EYS: variants seen among roughly 807,000 people sequenced by gnomAD.
EYS encodes protein eyes shut homolog.
A neutral mutation model predicts 282.1 loss-of-function variants in EYS; 250 were observed. That is an observed-to-expected ratio of 0.89 (90% CI 0.80 to 0.98). EYS has a LOEUF of 0.98. Ranked by LOEUF, EYS falls within the 50% of genes least tolerant of loss-of-function variation. The probability of loss-of-function intolerance (pLI) is 0.00; values close to 1 mark genes in which losing one functional copy is unlikely to be tolerated. For missense variants in EYS, 4,016 were observed against 3,709.0 expected, an observed-to-expected ratio of 1.08 and a Z score of -2.15; for synonymous variants, 1,355 against 1,282.9, an observed-to-expected ratio of 1.06 and a Z score of -1.20.
intron 5 of EYS, among the ~76,000 whole-genome samples, chr6:65,437,700 G>T (rs1030365593): frequency 6.6e-6 from 1 of 152,084 alleles, no homozygotes; most frequent in Non-Finnish European, 1.5e-5. Context: ...ATATTTTCAA[G>T]TGGGGAAGAT....
At chr6:64,080,010 A>T (rs529294893) in intron 32 of EYS, among the ~76,000 whole-genome samples, 2 of 152,302 alleles carry the variant, frequency 1.3e-5, no homozygotes, top group South Asian at 4.1e-4. Context: ...GCTATTGTGA[A>T]TAGTGCCACA....
chr6:65,299,994 A>C (rs993003324), intron 11 of EYS, among the ~76,000 whole-genome samples: 1 of 152,236 alleles, frequency 6.6e-6, no homozygotes, highest in Non-Finnish European at 1.5e-5. Flanking sequence ...TTATGTGTTT[A>C]GTGATATCAT....
intron 26 of EYS, among the ~76,000 whole-genome samples, chr6:64,531,022 T>C (rs1764311257): frequency 6.6e-6 from 1 of 152,126 alleles, no homozygotes; most frequent in Non-Finnish European, 1.5e-5. Context: ...CCACACTATT[T>C]TGTGATTAAG....
chr6:64,870,432 A>AAAT, intron 19 of EYS, among the ~76,000 whole-genome samples: 1 of 147,894 alleles, frequency 6.8e-6, no homozygotes, highest in Non-Finnish European at 1.5e-5. Context: ...CCCTCCAAAA[A>AAAT]AAAAAAAACA....
intron 13 of EYS, among the ~76,000 whole-genome samples, chr6:64,999,940 G>C (rs1313605293): frequency 6.6e-6 from 1 of 152,116 alleles, no homozygotes; most frequent in African/African-American, 2.4e-5. Context: ...TCCAAGTCCA[G>C]GTGTGATCTG....
intron 36 of EYS, among the ~76,000 whole-genome samples, chr6:63,830,466 A>T (rs1216775977): frequency 6.6e-6 from 1 of 152,236 alleles, no homozygotes; most frequent in Non-Finnish European, 1.5e-5. Flanking sequence ...AAGAAAGGGT[A>T]TCAGTGATTG....
Position 64,709,019 on chromosome 6 carries a change from T to TACACACACACACACACACACAC in EYS, c.3444-82775_3444-82774insGTGTGTGTGTGTGTGTGTGTGT, listed in dbSNP as rs36018580. 3.3e-3 allele frequency among the ~76,000 whole-genome samples: 494 copies of TACACACACACACACACACACAC among 151,088 alleles called. 3 individuals are homozygous for TACACACACACACACACACACAC. Among genetic ancestry groups the TACACACACACACACACACACAC allele is most frequent in the African/African-American group, 0.011 (472 of 41,202 alleles). On this transcript the variant is annotated intron_variant, in intron 22 of 42. Transcript: ENST00000503581. ...TGATTGCCTGGCATACATGCACACA[T>TACACACACACACACACACACAC]ACACACACACACACACACAGCAGTA...
intron 26 of EYS, among the ~76,000 whole-genome samples, chr6:64,481,274 G>GTATA (rs61390164): frequency 0.014 from 1,974 of 140,568 alleles, 17 homozygotes; most frequent in East Asian, 0.019. Context: ...GTGTGTGTGT[G>GTATA]TATATATATA....
rs1040742497 is a variant in EYS at position 63,992,106 on chromosome 6, G to A, written c.6834+6969C>T. 2.0e-5 allele frequency among the ~76,000 whole-genome samples: 3 copies of A among 151,858 alleles called. No homozygotes were observed. The South Asian group carries it at 6.2e-4, about 31-fold the overall frequency. On this transcript the variant is annotated intron_variant, in intron 34 of 42. Coordinates refer to ENST00000503581, the MANE Select transcript of EYS (RefSeq NM_001142800.2). ...AGAAATGCTAAAGGAAGTTTTTCCA[G>A]TTGAAATAGAAGAATACTAGACAAC...
At chr6:64,120,791 A>T (rs1773560869) in intron 31 of EYS, among the ~76,000 whole-genome samples, 1 of 152,174 alleles carries the variant, frequency 6.6e-6, no homozygotes, top group South Asian at 2.1e-4. Context: ...GCTGCATAAC[A>T]AATTACCATA....
intron 26 of EYS, among the ~76,000 whole-genome samples, chr6:64,463,360 T>C (rs1446053479): frequency 6.6e-6 from 1 of 152,216 alleles, no homozygotes; most frequent in Non-Finnish European, 1.5e-5. Context: ...TATCAACAGA[T>C]GCTAGGCCTG....
At chr6:64,510,207 G>T (rs192791299) in intron 26 of EYS, among the ~76,000 whole-genome samples, 2 of 151,834 alleles carry the variant, frequency 1.3e-5, no homozygotes, top group Non-Finnish European at 2.9e-5. Flanking sequence ...GGCTATTTTT[G>T]GTGTAAATGT....
chr6:64,962,775 G>C (rs1769968310), intron 14 of EYS, among the ~76,000 whole-genome samples: 1 of 151,966 alleles, frequency 6.6e-6, no homozygotes, highest in Admixed American at 6.6e-5. Flanking sequence ...AAAAAAGAGA[G>C]AGAGAAATAT....
chr6:64,451,486 G>A (rs1370494826), intron 26 of EYS, among the ~76,000 whole-genome samples: 2 of 152,166 alleles, frequency 1.3e-5, no homozygotes, highest in Admixed American at 6.6e-5. Context: ...AGAAAAAGAG[G>A]GAATCCTCCC....
intron 31 of EYS, among the ~76,000 whole-genome samples, chr6:64,097,128 A>C (rs1772650288): frequency 6.6e-6 from 1 of 152,150 alleles, no homozygotes; most frequent in African/African-American, 2.4e-5. Flanking sequence ...GTCTCAGAGG[A>C]GTACCCAGCC....
chr6:64,356,040 G>A lies in EYS; in HGVS notation c.6078+32650C>T, dbSNP rs193277184. On this transcript the variant is annotated intron_variant, in intron 29 of 42. Coordinates refer to ENST00000503581, the MANE Select transcript of EYS (RefSeq NM_001142800.2). ...TCTGCAAAAGCAGTAACAGAAAAGC[G>A]AAGTTTGAGCTCAGGGCCAACATTA... is the stretch of plus-strand genomic sequence containing the variant. Among the ~76,000 whole-genome samples, 292 of 151,676 alleles carry A rather than the reference G, an allele frequency of 1.9e-3. 1 individual carries two copies. The highest frequency in any genetic ancestry group is 2.4e-3 in the Non-Finnish European group (162 of 67,700).
chr6:65,687,076 T>G (rs1230131005), intron 1 of EYS, among the ~76,000 whole-genome samples: 2 of 152,080 alleles, frequency 1.3e-5, no homozygotes, highest in African/African-American at 2.4e-5. Context: ...GTTTCACGCA[T>G]GAGTGATAAA....
chr6:63,948,755 TA>T (rs1765475795), intron 35 of EYS, among the ~76,000 whole-genome samples: 2 of 152,232 alleles, frequency 1.3e-5, no homozygotes, highest in South Asian at 4.1e-4. Context: ...AATGTTCAGG[TA>T]ATGAGGTTTA....
chr6:64,760,923 C>T (rs1030393995), intron 22 of EYS, among the ~76,000 whole-genome samples: 5 of 152,164 alleles, frequency 3.3e-5, no homozygotes, highest in Non-Finnish European at 7.3e-5. Flanking sequence ...TTGTCTCCAA[C>T]TCTTTGATGT....
Sources: allele counts gnomAD v4.1 joint callset (sites outside exome capture counted in the v4.1 genomes callset), GRCh38; gene constraint gnomAD v4.1.1; transcripts MANE v1.5; gene names NCBI Gene and HGNC (gene_info 2026-07-23, HGNC 2026-07-21).